Variants in PARD3B observed in about 807,000 individuals in gnomAD.
The protein encoded by PARD3B is partitioning defective 3 homolog B.
A neutral mutation model predicts 130.2 loss-of-function variants in PARD3B; 103 were observed. The ratio of observed to expected loss-of-function variants is 0.79; its 90% CI spans 0.67 to 0.93. PARD3B has a LOEUF of 0.93. Ranked by LOEUF, PARD3B falls within the 40% of genes least tolerant of loss-of-function variation. PARD3B has a pLI of 0.00. For missense variants in PARD3B, 1,609 were observed against 1,499.2 expected (o/e 1.07, Z -1.21); for synonymous variants, 583 against 553.2 (o/e 1.05, Z -0.76).
At chr2:205,451,969 C>T (rs969371674) in intron 20 of PARD3B, among the ~76,000 whole-genome samples, 2 of 152,128 alleles carry the variant, frequency 1.3e-5, no homozygotes, top group African/African-American at 2.4e-5. Context: ...TCCCTTCCAC[C>T]GCTCTGTCTA....
chr2:204,677,590 CA>C lies in PARD3B; in HGVS notation c.121-8587del, dbSNP rs2125224718. ...TTAATGATGGTCTCTTCAAATCTGA[CA>C]AAATACTCTAAATGTAGTGGGACCA... On this transcript the variant is annotated intron_variant, in intron 1 of 22. Transcript: ENST00000406610. The surrounding 1 kb of genome is among the most constrained non-coding windows in gnomAD (Gnocchi z 4.1). Among the ~76,000 whole-genome samples, 1 of 152,312 alleles carries C rather than the reference CA, an allele frequency of 6.6e-6. No individual in the cohort carries two copies. The highest frequency in any genetic ancestry group is 2.1e-4 in the South Asian group (1 of 4,832).
In PARD3B at chr2:205,288,731, G is replaced by A. The variant is rs1010763397; in HGVS notation, c.2186-11799G>A. Among the ~76,000 whole-genome samples the A allele has an allele frequency of 6.6e-6, 1 of 152,098 alleles. No individual in the cohort carries two copies. The highest frequency in any genetic ancestry group is 1.5e-5 in the Non-Finnish European group (1 of 68,016). ...GAGACGTGTTTGGACTTTTCCTCAT[G>A]CCTTTTCCTCTAAGTGGTGTGCCTG... On this transcript the variant is annotated intron_variant, in intron 16 of 22. Transcript: ENST00000406610. This position sits in a 1 kb window ranked among gnomAD's most constrained non-coding sequence, Gnocchi z 4.0.
intron 19 of PARD3B, among the ~76,000 whole-genome samples, chr2:205,430,101 G>A (rs2047278271): frequency 6.6e-6 from 1 of 152,156 alleles, no homozygotes. Context: ...ACAGAGACCT[G>A]TATCCAAATA....
chr2:204,571,984 G>A (rs561141071), intron 1 of PARD3B, among the ~76,000 whole-genome samples: 11 of 152,190 alleles, frequency 7.2e-5, no homozygotes, highest in Admixed American at 3.9e-4. Context: ...ATTCATAACC[G>A]TGTAACTTTT....
intron 16 of PARD3B, among the ~76,000 whole-genome samples, chr2:205,262,046 G>T (rs2040334513): frequency 6.6e-6 from 1 of 152,052 alleles, no homozygotes; most frequent in Non-Finnish European, 1.5e-5. Context: ...TGCACCAAAT[G>T]ATTTTTGGCT....
rs768607641 is a variant in PARD3B at position 204,911,355 on chromosome 2, C to G, written c.223-53797C>G. On this transcript the variant is annotated intron_variant, in intron 2 of 22. Transcript: ENST00000406610. ...TGGGAGCAGCCATTATCATCATCAACGTACTTGGCCTTAAGATCATCAGTG... is the reference window on the plus strand; with the variant it reads ...TGGGAGCAGCCATTATCATCATCAAGGTACTTGGCCTTAAGATCATCAGTG... 2.6e-5 allele frequency among the ~76,000 whole-genome samples: 4 copies of G among 152,166 alleles called. No homozygotes were observed. In the South Asian group the frequency reaches 8.3e-4, roughly 32 times the overall value.
At chr2:205,442,149 A>T (rs999383491) in intron 20 of PARD3B, among the ~76,000 whole-genome samples, 7 of 152,190 alleles carry the variant, frequency 4.6e-5, no homozygotes, top group Admixed American at 2.0e-4. Flanking sequence ...GGGACTGTTT[A>T]TAGGAACCTC....
intron 3 of PARD3B, among the ~76,000 whole-genome samples, chr2:205,037,859 A>C (rs1289446712): frequency 6.6e-6 from 1 of 152,078 alleles, no homozygotes; most frequent in African/African-American, 2.4e-5. Context: ...AAATTTTACA[A>C]AATTATATAA....
intron 1 of PARD3B, among the ~76,000 whole-genome samples, chr2:204,563,976 G>A (rs769175039): frequency 4.6e-5 from 7 of 152,058 alleles, no homozygotes; most frequent in African/African-American, 9.7e-5. Context: ...GGGTTTAACC[G>A]TGTTAGCCAG....
At chr2:205,063,365 C>A (rs561344880) in intron 4 of PARD3B, among the ~76,000 whole-genome samples, 1 of 151,814 alleles carries the variant, frequency 6.6e-6, no homozygotes, top group South Asian at 2.1e-4. Context: ...AAAATAAAGT[C>A]AAAATTTGAG....
At chr2:205,206,216 C>CTTTTT (rs201694463) in intron 15 of PARD3B, among the ~76,000 whole-genome samples, 1 of 127,892 alleles carries the variant, frequency 7.8e-6, no homozygotes, top group Non-Finnish European at 1.7e-5. Context: ...TTTTTTTTTT[C>CTTTTT]TTTTTTTTTT....
chr2:204,570,724 TATAACTGAGGTGTATGA>T, intron 1 of PARD3B, among the ~76,000 whole-genome samples: 1 of 150,692 alleles, frequency 6.6e-6, no homozygotes, highest in Non-Finnish European at 1.5e-5. Flanking sequence ...TATAAGCTGT[TATAACTGAGGTGTATGA>T]GCTGTTGTAA....
In PARD3B at chr2:204,940,476, G is replaced by GT. The variant is rs11314705; in HGVS notation, c.223-24662dup. The stretch of plus-strand genomic sequence containing the variant: ...ATTATGTTAATGAAGTAACTTGAGA[G>GT]TTTTTTTTTTTTTTCTCAGTTGTTT... On this transcript the variant is annotated intron_variant, in intron 2 of 22. Transcript: ENST00000406610. 9.7e-3 allele frequency among the ~76,000 whole-genome samples: 1,407 copies of GT among 145,352 alleles called. 7 individuals carry two copies. The highest frequency in any genetic ancestry group is 0.022 in the Middle Eastern group (6 of 274).
chr2:204,848,939 A>G (rs994468785), intron 2 of PARD3B, among the ~76,000 whole-genome samples: 16 of 152,102 alleles, frequency 1.1e-4, no homozygotes, highest in African/African-American at 1.7e-4. Flanking sequence ...ATCAATAACA[A>G]TTTTAAAAAT....
intron 2 of PARD3B, among the ~76,000 whole-genome samples, chr2:204,917,133 C>A (rs2047475849): frequency 6.6e-6 from 1 of 152,136 alleles, no homozygotes; most frequent in Non-Finnish European, 1.5e-5. Flanking sequence ...TTAAAATAAT[C>A]ATCAGGGAAG....
intron 2 of PARD3B, among the ~76,000 whole-genome samples, chr2:204,898,209 G>GGT (rs2046714833): frequency 6.6e-6 from 1 of 150,892 alleles, no homozygotes; most frequent in Non-Finnish European, 1.5e-5. Context: ...TGGTTACATA[G>GGT]GTATATATAT....
In PARD3B at chr2:205,125,658, T is replaced by C. The variant is rs754723949; in HGVS notation, c.1355T>C (p.Met452Thr). ...CGAACCCAGGAAGAGCTTGTGGCCA[T>C]GCTCAGGAGCACCAAGCAGGGGGAG... ...TGRTQEELVA[M>T]LRSTKQGETA... Residue 452 changes from methionine to threonine, a missense_variant, in exon 10 of 23, where the codon ATG (methionine) becomes ACG (threonine). Physicochemically the swap from Met to Thr is moderately conservative, Grantham distance 81 (BLOSUM62 -1). Coordinates refer to ENST00000406610, the MANE Select transcript of PARD3B (RefSeq NM_001302769.2). The surrounding 1 kb of genome is among the most constrained non-coding windows in gnomAD (Gnocchi z 4.0). 6.2e-6 allele frequency: 10 copies of C among 1,613,948 alleles called. No individual in the cohort carries two copies. In the East Asian group the frequency reaches 2.0e-4, roughly 32 times the overall value.
At chr2:205,016,559 A>G (rs1271444011) in intron 3 of PARD3B, among the ~76,000 whole-genome samples, 2 of 152,196 alleles carry the variant, frequency 1.3e-5, no homozygotes, top group Non-Finnish European at 2.9e-5. Flanking sequence ...GTTAAGCAGA[A>G]CCTCAACACA....
intron 15 of PARD3B, among the ~76,000 whole-genome samples, chr2:205,228,802 CT>C (rs1173089144): frequency 7.0e-6 from 1 of 142,352 alleles, no homozygotes; most frequent in Admixed American, 6.9e-5. Context: ...TTTTTTTATT[CT>C]TTTTATTCTC....
Sources: gnomAD v4.1 joint callset for allele counts (sites outside exome capture counted in the v4.1 genomes callset) on GRCh38, gnomAD v4.1.1 for gene constraint, Gnocchi (gnomAD v3.1) non-coding constraint, MANE v1.5 for transcripts, NCBI Gene and HGNC (gene_info 2026-07-23, HGNC 2026-07-21) for gene names.